XRCC4: variants seen among roughly 807,000 people sequenced by gnomAD.
XRCC4 encodes the protein X-ray repair cross complementing 4.
A neutral mutation model predicts 39.1 loss-of-function variants in XRCC4; 28 were observed. That is an observed-to-expected ratio of 0.72 (90% CI 0.53 to 0.98). The LOEUF (loss-of-function observed/expected upper bound fraction) is 0.98, where lower values mean the gene tolerates loss of function less well. Ranked by LOEUF, XRCC4 falls within the 50% of genes least tolerant of loss-of-function variation. The pLI is 0.00. For synonymous variants in XRCC4, 123 were observed against 126.4 expected, an observed-to-expected ratio of 0.97 and a Z score of 0.18; for missense variants, 350 against 376.4, an observed-to-expected ratio of 0.93 and a Z score of 0.58.
chr5:83,158,440 A>G (rs973911740), intron 3 of XRCC4, among the ~76,000 whole-genome samples: 5 of 152,150 alleles, frequency 3.3e-5, no homozygotes, highest in African/African-American at 1.2e-4. Context: ...ATGTAAGATC[A>G]GTGTCAACCT....
intron 7 of XRCC4, among the ~76,000 whole-genome samples, chr5:83,320,367 A>G (rs1561473466): frequency 6.7e-6 from 1 of 149,348 alleles, no homozygotes; most frequent in East Asian, 2.1e-4. Flanking sequence ...TAAAAAATAA[A>G]AAATAAAAAA....
chr5:83,274,634 A>G (rs1482631700), intron 7 of XRCC4, among the ~76,000 whole-genome samples: 1 of 152,190 alleles, frequency 6.6e-6, no homozygotes, highest in East Asian at 1.9e-4. Flanking sequence ...GTTCCTTTTT[A>G]TATAGAATGG....
Position 83,295,902 on chromosome 5 carries a change from A to G in XRCC4, c.893+37225A>G, listed in dbSNP as rs143770505. Among the ~76,000 whole-genome samples the G allele has an allele frequency of 4.9e-3, 746 of 152,208 alleles. 2 individuals carry two copies. Among genetic ancestry groups the G allele is most frequent in the Non-Finnish European group, 7.8e-3 (532 of 67,982 alleles). ...TGTGTTATTTGATTTACATCGTGAG[A>G]AGATCACTTTTTCTACTCTAAGGTA... On this transcript the variant is annotated intron_variant, in intron 7 of 7. Coordinates refer to ENST00000396027, the MANE Select transcript of XRCC4 (RefSeq NM_003401.5).
chr5:83,247,694 TA>T (rs1396227130), intron 6 of XRCC4, among the ~76,000 whole-genome samples: 1 of 152,184 alleles, frequency 6.6e-6, no homozygotes, highest in African/African-American at 2.4e-5. Context: ...TCTCTCTGAA[TA>T]CAGTTTTTTA....
chr5:83,355,308 A>G (rs2112244385), downstream of XRCC4, among the ~76,000 whole-genome samples: 1 of 152,162 alleles, frequency 6.6e-6, no homozygotes, highest in Non-Finnish European at 1.5e-5. Context: ...CATTATGCAT[A>G]TCACTCTCTC....
At chr5:83,231,842 T>C (rs1395103197) in intron 6 of XRCC4, among the ~76,000 whole-genome samples, 2 of 152,118 alleles carry the variant, frequency 1.3e-5, no homozygotes, top group East Asian at 3.9e-4. Context: ...TGCCCCTTAC[T>C]CACTGATTCA....
chr5:83,242,673 G>A lies in XRCC4; in HGVS notation c.746-15857G>A, dbSNP rs565880323. 2.6e-5 allele frequency among the ~76,000 whole-genome samples: 4 copies of A among 152,166 alleles called. No individual in the cohort carries two copies. In the South Asian group the frequency reaches 8.3e-4, roughly 32 times the overall value. On this transcript the variant is annotated intron_variant, in intron 6 of 7. Transcript: ENST00000396027. ...CTTCATTTAACTCCAAATTTCTAAT[G>A]TATATATAATCAACACTTGCTACTT... is the stretch of plus-strand genomic sequence containing the variant.
At chr5:83,368,752 A>G in the XRCC4 span, among the ~76,000 whole-genome samples, 194 of 152,308 alleles carry the variant, frequency 1.3e-3, no homozygotes, top group African/African-American at 4.5e-3. Flanking sequence ...CTTACGATAT[A>G]CTAAATATAA....
chr5:83,322,543 A>G (rs1320762766), intron 7 of XRCC4, among the ~76,000 whole-genome samples: 1 of 152,168 alleles, frequency 6.6e-6, no homozygotes, highest in Admixed American at 6.6e-5. Context: ...GAACATGCGA[A>G]TGTTATCATA....
the XRCC4 span, among the ~76,000 whole-genome samples, chr5:83,367,640 C>A: frequency 6.6e-6 from 1 of 152,182 alleles, no homozygotes; most frequent in Admixed American, 6.6e-5. Context: ...CAGTGGAAAC[C>A]AGGCTGTCAC....
intron 6 of XRCC4, among the ~76,000 whole-genome samples, chr5:83,231,905 C>G (rs1165454192): frequency 6.6e-6 from 1 of 151,990 alleles, no homozygotes; most frequent in African/African-American, 2.4e-5. Context: ...ATGGATTTGT[C>G]ATTTGTTACA....
intron 3 of XRCC4, among the ~76,000 whole-genome samples, chr5:83,189,085 C>T (rs972757158): frequency 4.6e-5 from 7 of 152,280 alleles, no homozygotes; most frequent in Middle Eastern, 3.4e-3. Context: ...TGGTTGAGTC[C>T]ATATACAATA....
chr5:83,111,070 T>C lies in XRCC4; in HGVS notation c.182T>C (p.Met61Thr), dbSNP rs760546308. ...TCCCAAGAAGCTGATGACATGGCAA[T>C]GGAAAAAGGGAAATATGTTGGTGAA... The part of the protein sequence containing the change: ...EISQEADDMA[M>T]EKGKYVGELR... The change falls in exon 3 of 8, where the codon ATG becomes ACG. Residue 61 changes from methionine to threonine, a missense_variant. Coordinates refer to ENST00000396027, the MANE Select transcript of XRCC4 (RefSeq NM_003401.5). The C allele has an allele frequency of 2.5e-6, 4 of 1,611,422 alleles. No individual in the cohort carries two copies. In the East Asian group the frequency reaches 9.0e-5, roughly 36 times the overall value.
At chr5:83,231,065 G>T (rs1271895997) in intron 6 of XRCC4, among the ~76,000 whole-genome samples, 1 of 151,984 alleles carries the variant, frequency 6.6e-6, no homozygotes, top group Non-Finnish European at 1.5e-5. Context: ...ATACATGTCT[G>T]TAAGGAGAGG....
chr5:83,194,154 G>T (rs565912162), intron 3 of XRCC4, among the ~76,000 whole-genome samples: 1 of 152,204 alleles, frequency 6.6e-6, no homozygotes, highest in East Asian at 1.9e-4. Context: ...GTGTTGGCCA[G>T]GCAGGTTTCG....
intron 3 of XRCC4, among the ~76,000 whole-genome samples, chr5:83,173,968 C>G (rs1057231004): frequency 6.6e-6 from 1 of 152,100 alleles, no homozygotes; most frequent in Non-Finnish European, 1.5e-5. Context: ...TTAGCAATAC[C>G]TGGGTGTCAA....
chr5:83,078,260 T>A (rs1580184365), intron 1 of XRCC4, among the ~76,000 whole-genome samples: 1 of 152,276 alleles, frequency 6.6e-6, no homozygotes, highest in Non-Finnish European at 1.5e-5. Flanking sequence ...CACGTTTTTC[T>A]TTCTGCATTT....
intron 2 of XRCC4, among the ~76,000 whole-genome samples, chr5:83,110,226 A>G (rs990717206): frequency 1.3e-5 from 2 of 152,074 alleles, no homozygotes; most frequent in South Asian, 2.1e-4. Flanking sequence ...GAATTTTTCC[A>G]CAGATAGAAG....
chr5:83,241,605 C>G (rs1487241189), intron 6 of XRCC4, among the ~76,000 whole-genome samples: 2 of 152,010 alleles, frequency 1.3e-5, no homozygotes, highest in South Asian at 2.1e-4. Flanking sequence ...ATCTTTCAAC[C>G]AAGTACAGTT....
Sources: gnomAD v4.1 joint callset for allele counts (sites outside exome capture counted in the v4.1 genomes callset) on GRCh38, gnomAD v4.1.1 for gene constraint, MANE v1.5 for transcripts, NCBI Gene and HGNC (gene_info 2026-07-23, HGNC 2026-07-21) for gene names.